CDKL2: variants seen among roughly 807,000 people sequenced by gnomAD.
CDKL2 encodes cyclin-dependent kinase-like 2.
CDKL2 carries 64 observed loss-of-function variants against 63.9 expected under a neutral mutation model. The observed-to-expected ratio is 1.00, with a 90% confidence interval of 0.82 to 1.23. CDKL2 has a LOEUF of 1.23. CDKL2 is among the 50% of genes most tolerant of loss of function. The pLI, the probability that CDKL2 is intolerant of heterozygous loss-of-function variation, is 0.00. For synonymous variants in CDKL2, 211 were observed against 229.2 expected (o/e 0.92, Z 0.72); for missense variants, 656 against 668.0 (o/e 0.98, Z 0.20).
intron 2 of CDKL2, among the ~76,000 whole-genome samples, chr4:75,624,707 A>C (rs1730321452): frequency 6.6e-6 from 1 of 151,708 alleles, no homozygotes; most frequent in African/African-American, 2.4e-5. Context: ...AAAAAAAAAA[A>C]ATTATCCAGG....
In CDKL2 at chr4:75,606,147, CAGAA is replaced by C. The variant is rs1729417410; in HGVS notation, c.543-517_543-514del. On this transcript the variant is annotated intron_variant, in intron 4 of 13. Transcript: ENST00000307465. ...CCATCATACACTGAAAACAGCATACCAGAAAGAGGAGGTGGCTGCTAAGGATAAA... is the reference window on the plus strand; with the variant it reads ...CCATCATACACTGAAAACAGCATACCAGAGGAGGTGGCTGCTAAGGATAAA... Among the ~76,000 whole-genome samples the C allele has an allele frequency of 3.3e-5, 5 of 152,098 alleles. No individual in the cohort carries two copies. The South Asian group carries it at 8.3e-4, about 25-fold the overall frequency.
rs186779234 is a variant in CDKL2, at chr4:75,614,424, T to C, written c.194A>G (p.Asn65Ser). The C allele has an allele frequency of 1.3e-6, 2 of 1,558,162 alleles. No homozygotes were observed. Among genetic ancestry groups the C allele is most frequent in the Admixed American group, 1.9e-5 (1 of 53,974 alleles). The change falls in exon 3 of 14, where the codon AAT becomes AGT. Residue 65 changes from asparagine to serine, a missense_variant. By Grantham distance (46) the Asn-to-Ser change is conservative. Coordinates refer to ENST00000307465, the MANE Select transcript of CDKL2 (RefSeq NM_001330724.2). ...LKQLRHENLV[N>S]LLEVCKKKKR... ...TTTTTTCTTACACACTTCCAAGAGATTCACCAAGTTTTCATGCCTAAGTTG... is the reference window on the plus strand; with the variant it reads ...TTTTTTCTTACACACTTCCAAGAGACTCACCAAGTTTTCATGCCTAAGTTG...
In CDKL2 at chr4:75,577,803, A is replaced by G. The variant is rs1337601713; in HGVS notation, c.*1399T>C. The stretch of plus-strand genomic sequence containing the variant: ...ACCAATTTTAATTTAACCACCACCT[A>G]TAGACTTGTACATTGAAACCCCTTA... On this transcript the variant is annotated 3_prime_UTR_variant, in exon 14 of 14. Coordinates refer to ENST00000307465, the MANE Select transcript of CDKL2 (RefSeq NM_001330724.2). Among the ~76,000 whole-genome samples, 1 of 152,140 alleles carries G rather than the reference A, an allele frequency of 6.6e-6. No homozygotes were observed. The highest frequency in any genetic ancestry group is 2.4e-5 in the African/African-American group (1 of 41,440).
Position 75,625,912 on chromosome 4 carries a change from G to T in CDKL2, c.77C>A (p.Thr26Asn), listed in dbSNP as rs548677333. 10 of 1,612,484 alleles carry T rather than the reference G, an allele frequency of 6.2e-6. No homozygotes were observed. Among genetic ancestry groups the T allele is most frequent in the Non-Finnish European group, 8.5e-6 (10 of 1,179,000 alleles). ...GMVMKCRNKD[T>N]GRIVAIKKFL... Reference sequence around the variant, plus strand: ...CTTCTTTATGGCCACAATTCTTCCAGTATCTTTATTCCTACACTTCATCAC... The same window carrying T: ...CTTCTTTATGGCCACAATTCTTCCATTATCTTTATTCCTACACTTCATCAC... Residue 26 changes from threonine to asparagine, a missense_variant, in exon 2 of 14, where the codon ACT (threonine) becomes AAT (asparagine). Physicochemically the swap from Thr to Asn is moderately conservative, Grantham distance 65. Coordinates refer to ENST00000307465, the MANE Select transcript of CDKL2 (RefSeq NM_001330724.2).
intron 6 of CDKL2, among the ~76,000 whole-genome samples, chr4:75,602,012 C>A (rs552470252): frequency 2.0e-5 from 3 of 152,206 alleles, no homozygotes; most frequent in Non-Finnish European, 4.4e-5. Context: ...AGTTGATTCT[C>A]ACTTGATAGA....
chr4:75,626,844 T>C (rs1005934289), intron 1 of CDKL2, among the ~76,000 whole-genome samples: 1 of 151,780 alleles, frequency 6.6e-6, no homozygotes, highest in Non-Finnish European at 1.5e-5. Flanking sequence ...TGAGCTGTGA[T>C]GGCACTGCAC....
chr4:75,594,981 T>A (rs944098034), intron 10 of CDKL2, among the ~76,000 whole-genome samples: 3 of 152,080 alleles, frequency 2.0e-5, no homozygotes, highest in Non-Finnish European at 4.4e-5. Context: ...TGATGAGGGT[T>A]TCACCTAACT....
At chr4:75,601,661 AT>A in intron 6 of CDKL2, among the ~76,000 whole-genome samples, 1 of 152,174 alleles carries the variant, frequency 6.6e-6, no homozygotes, top group African/African-American at 2.4e-5. Flanking sequence ...TAAAAGTTTT[AT>A]ATGATTCCTT....
At chr4:75,593,029 T>A (rs1005926717) in intron 10 of CDKL2, among the ~76,000 whole-genome samples, 2 of 152,182 alleles carry the variant, frequency 1.3e-5, no homozygotes, top group Non-Finnish European at 2.9e-5. Context: ...CAAACATATG[T>A]ATAATGACAT....
chr4:75,603,854 T>C lies in CDKL2; in HGVS notation c.758A>G (p.Tyr253Cys), dbSNP rs139728274. ...TATCACCACTTCAGAGAGCTTAGGATAGCGTCTTTCAAGAGGTTCTCTTTC... is the reference window on the plus strand; with the variant it reads ...TATCACCACTTCAGAGAGCTTAGGACAGCGTCTTTCAAGAGGTTCTCTTTC... Reference protein sequence around the residue: ...IKEREPLERRYPKLSEVVIDL... With the variant: ...IKEREPLERRCPKLSEVVIDL... Residue 253 changes from tyrosine to cysteine, a missense_variant, in exon 6 of 14, where the codon TAT becomes TGT. By Grantham distance (194) the Tyr-to-Cys change is radical. Transcript: ENST00000307465. 7.1e-4 allele frequency: 1,148 copies of C among 1,613,140 alleles called. 9 individuals are homozygous for C. The African/African-American group carries it at 0.013, about 18-fold the overall frequency.
At chr4:75,602,501 T>C (rs568201294) in intron 6 of CDKL2, among the ~76,000 whole-genome samples, 1 of 151,814 alleles carries the variant, frequency 6.6e-6, no homozygotes, top group African/African-American at 2.4e-5. Flanking sequence ...CATTTTAATA[T>C]TTTCCTACTT....
rs1289072250 is a variant in CDKL2 at position 75,607,208 on chromosome 4, A to G, written c.517T>C (p.Leu173=). The change falls in exon 4 of 14, where the codon TTG becomes CTG. Residue 173 remains leucine, a synonymous_variant. Coordinates refer to ENST00000307465, the MANE Select transcript of CDKL2 (RefSeq NM_001330724.2). ...ATRWYRAPEL[L]VGDVKYGKAV... is the part of the protein sequence containing the mutation. The stretch of plus-strand genomic sequence containing the variant: ...TTGCCATACTTGACATCACCAACCA[A>G]TAGTTCTGGAGCTCTGTACCATCGG... 1 of 1,610,394 alleles carries G rather than the reference A, an allele frequency of 6.2e-7. No homozygotes were observed. The highest frequency in any genetic ancestry group is 8.5e-7 in the Non-Finnish European group (1 of 1,177,946).
intron 2 of CDKL2, among the ~76,000 whole-genome samples, chr4:75,617,424 C>G (rs1475050023): frequency 6.6e-6 from 1 of 152,086 alleles, no homozygotes; most frequent in Non-Finnish European, 1.5e-5. Context: ...GCTGAAGCAA[C>G]TAACTCACAC....
chr4:75,583,777 G>C (rs1013782768), intron 12 of CDKL2, among the ~76,000 whole-genome samples: 1 of 151,772 alleles, frequency 6.6e-6, no homozygotes, highest in Non-Finnish European at 1.5e-5. Flanking sequence ...TGTAGACTAC[G>C]AAAAATTAGT....
chr4:75,626,609 G>GT (rs984392459), intron 1 of CDKL2, among the ~76,000 whole-genome samples: 26 of 150,236 alleles, frequency 1.7e-4, no homozygotes, highest in African/African-American at 6.4e-4. Flanking sequence ...GGAGCTTGCA[G>GT]TGAGCCAAGA....
chr4:75,587,989 C>T (rs1221327088), intron 12 of CDKL2, among the ~76,000 whole-genome samples: 8 of 151,210 alleles, frequency 5.3e-5, no homozygotes, highest in South Asian at 4.2e-4. Context: ...CCAAGGCAGG[C>T]GGATCACCTG....
intron 2 of CDKL2, among the ~76,000 whole-genome samples, chr4:75,620,173 G>A (rs1191413474): frequency 6.6e-6 from 1 of 152,080 alleles, no homozygotes; most frequent in East Asian, 1.9e-4. Flanking sequence ...CAGCCTGGGT[G>A]ACAGAGCAAG....
chr4:75,579,200 C>T (rs1205089102), intron 13 of CDKL2, 22 bp from the exon 14 acceptor site: 1 of 152,180 alleles, frequency 6.6e-6, no homozygotes, highest in Non-Finnish European at 1.5e-5. Flanking sequence ...GGAGGATATA[C>T]CACCAACTAT....
At chr4:75,603,744 TAAAAAA>T in intron 6 of CDKL2, 67 bp downstream of exon 6, 1 of 608,080 alleles carries the variant, frequency 1.6e-6, no homozygotes, top group Non-Finnish European at 2.4e-6. Flanking sequence ...ACTAGACAAG[TAAAAAA>T]AAAAAAAAAA....
Sources: gnomAD v4.1 joint callset for allele counts (sites outside exome capture counted in the v4.1 genomes callset) on GRCh38, gnomAD v4.1.1 for gene constraint, MANE v1.5 for transcripts, NCBI Gene and HGNC (gene_info 2026-07-23, HGNC 2026-07-21) for gene names.